The following FBXL18 variants were observed in gnomAD, a reference collection of about 807,000 sequenced individuals.
FBXL18 encodes the protein F-box and leucine rich repeat protein 18.
In FBXL18, 36 loss-of-function variants were observed where a neutral mutation model predicts 46.0. That is an observed-to-expected ratio of 0.78 (90% CI 0.60 to 1.03). The LOEUF (loss-of-function observed/expected upper bound fraction) is 1.03, where lower values mean the gene tolerates loss of function less well. Among genes scored for constraint, FBXL18 ranks in the 50% least tolerant of loss-of-function variants. The probability of loss-of-function intolerance (pLI) is 0.00; values close to 1 mark genes in which losing one functional copy is unlikely to be tolerated. For missense variants in FBXL18, 977 were observed against 1,004.1 expected, an observed-to-expected ratio of 0.97 and a Z score of 0.36; for synonymous variants, 557 against 465.3, an observed-to-expected ratio of 1.20 and a Z score of -2.54.
chr7:5,463,708 A>T (rs1370970035), intron 4 of FBXL18, among the ~76,000 whole-genome samples: 17 of 51,796 alleles, frequency 3.3e-4, no homozygotes, highest in Non-Finnish European at 4.5e-4. Context: ...ATATATATTT[A>T]TTTATTTATT....
chr7:5,461,970 G>A (rs547505589), intron 4 of FBXL18, among the ~76,000 whole-genome samples: 10 of 151,944 alleles, frequency 6.6e-5, no homozygotes, highest in African/African-American at 1.7e-4. Context: ...AACAAAATCA[G>A]CTGGGCACAG....
At chr7:5,491,866 G>A (rs964350617) in intron 3 of FBXL18, among the ~76,000 whole-genome samples, 1 of 152,292 alleles carries the variant, frequency 6.6e-6, no homozygotes, top group East Asian at 1.9e-4. Flanking sequence ...AAGCTCAGCT[G>A]GACAGGGAGG....
chr7:5,512,014 T>A (rs1285423506), intron 1 of FBXL18, among the ~76,000 whole-genome samples: 2 of 149,186 alleles, frequency 1.3e-5, no homozygotes, highest in South Asian at 2.1e-4. Context: ...AGAGGGTGGA[T>A]CACGAGGTCA....
intron 4 of FBXL18, among the ~76,000 whole-genome samples, chr7:5,462,755 C>T (rs1418985939): frequency 6.6e-6 from 1 of 150,844 alleles, no homozygotes; most frequent in Non-Finnish European, 1.5e-5. Flanking sequence ...ATTCAGACCA[C>T]CCTGGCTAAC....
intron 4 of FBXL18, among the ~76,000 whole-genome samples, chr7:5,459,601 G>A (rs572886246): frequency 4.6e-5 from 7 of 152,220 alleles, no homozygotes; most frequent in East Asian, 3.9e-4. Context: ...TTAGCCAGGC[G>A]TGGTAGCAGG....
At chr7:5,508,382 G>A (rs1356922534) in intron 1 of FBXL18, among the ~76,000 whole-genome samples, 1 of 151,656 alleles carries the variant, frequency 6.6e-6, no homozygotes, top group Admixed American at 6.6e-5. Flanking sequence ...GGCAGAGGTT[G>A]CGGTAAGCCG....
At chr7:5,473,476 C>T (rs914321295), downstream of FBXL18, among the ~76,000 whole-genome samples, 1 of 152,082 alleles carries the variant, frequency 6.6e-6, no homozygotes, top group Non-Finnish European at 1.5e-5. Flanking sequence ...CTCAAGAGCA[C>T]AAGTGCCGGG....
chr7:5,470,280 G>A (rs573661398), intron 4 of FBXL18, among the ~76,000 whole-genome samples: 1 of 152,230 alleles, frequency 6.6e-6, no homozygotes, highest in South Asian at 2.1e-4. Context: ...TCATGGCAGG[G>A]GACACAGCGC....
At chr7:5,505,162 C>T (rs1476044806) in intron 2 of FBXL18, among the ~76,000 whole-genome samples, 1 of 151,910 alleles carries the variant, frequency 6.6e-6, no homozygotes, top group Non-Finnish European at 1.5e-5. Flanking sequence ...TCCCCCACTC[C>T]CAAGGCCCTA....
At chr7:5,495,437 C>T (rs945199010) in intron 3 of FBXL18, among the ~76,000 whole-genome samples, 2 of 152,226 alleles carry the variant, frequency 1.3e-5, no homozygotes, top group Non-Finnish European at 2.9e-5. Flanking sequence ...GCAAGCAGGG[C>T]TTAGCTGGTC....
chr7:5,496,681 A>C lies in FBXL18; in HGVS notation c.1781+3807T>G, dbSNP rs1453757219. ...AGGATCACTTGAGCCCAGGAGTTCAAGACCAGCCCGGGCAACACAGCAAGA... is the reference window on the plus strand; with the variant it reads ...AGGATCACTTGAGCCCAGGAGTTCACGACCAGCCCGGGCAACACAGCAAGA... On this transcript the variant is annotated intron_variant, in intron 3 of 4. Coordinates refer to ENST00000382368, the MANE Select transcript of FBXL18 (RefSeq NM_024963.6). This position sits in a 1 kb window ranked among gnomAD's most constrained non-coding sequence, Gnocchi z 4.8. Among the ~76,000 whole-genome samples, 1 of 152,190 alleles carries C rather than the reference A, an allele frequency of 6.6e-6. No homozygotes were observed. The highest frequency in any genetic ancestry group is 1.5e-5 in the Non-Finnish European group (1 of 68,030).
intron 4 of FBXL18, among the ~76,000 whole-genome samples, chr7:5,486,329 G>C (rs2128234755): frequency 6.6e-6 from 1 of 150,976 alleles, no homozygotes; most frequent in South Asian, 2.1e-4. Flanking sequence ...AGAGGCAGGA[G>C]AATCTATTGA....
intron 4 of FBXL18, among the ~76,000 whole-genome samples, chr7:5,470,713 CCCCTTCCCGGG>C (rs1562676019): frequency 0.094 from 1,925 of 20,552 alleles, 32 homozygotes; most frequent in African/African-American, 0.19. Context: ...GGGGAGATGT[CCCCTTCCCGGG>C]GGGGAGATGT....
At chr7:5,503,648 C>T (rs1411478541) in intron 2 of FBXL18, among the ~76,000 whole-genome samples, 1 of 151,938 alleles carries the variant, frequency 6.6e-6, no homozygotes, top group African/African-American at 2.4e-5. Context: ...GCATGAGCCA[C>T]CAGACCCGGC....
Position 5,505,448 on chromosome 7 carries a change from G to A in FBXL18, c.201C>T (p.Ser67=). Reference sequence around the variant, plus strand: ...TTTGCAGCAACACGGTGTGGATGAGGCTCTTGTCAAGGCACAGGGCTGCAA... The same window carrying A: ...TTTGCAGCAACACGGTGTGGATGAGACTCTTGTCAAGGCACAGGGCTGCAA... ...RKLAALCLDK[S]LIHTVLLQKD... is the part of the protein sequence containing the mutation. Residue 67 remains serine, a synonymous_variant, in exon 2 of 5, where the codon AGC becomes AGT. Transcript: ENST00000382368. 1 of 1,614,154 alleles carries A rather than the reference G, an allele frequency of 6.2e-7. No individual in the cohort carries two copies. Among genetic ancestry groups the A allele is most frequent in the East Asian group, 2.2e-5 (1 of 44,880 alleles).
chr7:5,500,819 A>C lies in FBXL18; in HGVS notation c.1450T>G (p.Phe484Val). Residue 484 changes from phenylalanine (F) to valine (V), a missense_variant, in exon 3 of 5, where the codon TTC (phenylalanine) becomes GTC (valine). Physicochemically the swap from Phe to Val is conservative, Grantham distance 50. Coordinates refer to ENST00000382368, the MANE Select transcript of FBXL18 (RefSeq NM_024963.6). The part of the protein sequence containing the change: ...VFWSLLKNLP[F>V]LEHLELIGSN... ...CCAATCAGCTCGAGGTGTTCCAGGA[A>C]GGGCAGGTTCTTCAGCAGAGACCAG... is the stretch of plus-strand genomic sequence containing the variant. 1 of 1,612,440 alleles carries C rather than the reference A, an allele frequency of 6.2e-7. No homozygotes were observed. Among genetic ancestry groups the C allele is most frequent in the Non-Finnish European group, 8.5e-7 (1 of 1,179,628 alleles).
rs147975743 is a variant in FBXL18, at chr7:5,455,614, C to T, written c.2001-7771G>A. 7.2e-4 allele frequency among the ~76,000 whole-genome samples: 110 copies of T among 152,226 alleles called. No individual in the cohort carries two copies. Among genetic ancestry groups the T allele is most frequent in the African/African-American group, 2.6e-3 (108 of 41,524 alleles). On this transcript the variant is annotated intron_variant and NMD_transcript_variant, in intron 4 of 6. Coordinates refer to the FBXL18 transcript ENST00000415009. The surrounding 1 kb of genome is among the most constrained non-coding windows in gnomAD (Gnocchi z 4.6). Reference sequence around the variant, plus strand: ...GGTTTGCATTCCCATGGCGCCAAGTCGGTCCTGAGAAGATCCTCCGGGATT... The same window carrying T: ...GGTTTGCATTCCCATGGCGCCAAGTTGGTCCTGAGAAGATCCTCCGGGATT...
chr7:5,459,292 C>G (rs944912020), intron 4 of FBXL18, among the ~76,000 whole-genome samples: 2 of 152,136 alleles, frequency 1.3e-5, no homozygotes, highest in Non-Finnish European at 2.9e-5. Context: ...AGCCCCAGTA[C>G]AGTAAGTAAT....
At chr7:5,509,633 T>G (rs1584247349) in intron 1 of FBXL18, among the ~76,000 whole-genome samples, 1 of 141,944 alleles carries the variant, frequency 7.0e-6, no homozygotes, top group Admixed American at 7.5e-5. Context: ...ACCTGGGAGG[T>G]GGAGTTTGCA....
Sources: gnomAD v4.1 joint callset for allele counts (sites outside exome capture counted in the v4.1 genomes callset) on GRCh38, gnomAD v4.1.1 for gene constraint, Gnocchi (gnomAD v3.1) non-coding constraint, MANE v1.5 for transcripts, NCBI Gene and HGNC (gene_info 2026-07-23, HGNC 2026-07-21) for gene names.